AFDN: variants seen among roughly 807,000 people sequenced by gnomAD.
AFDN encodes afadin, adherens junction formation factor.
AFDN carries 68 observed loss-of-function variants against 216.6 expected under a neutral mutation model. The ratio of observed to expected loss-of-function variants is 0.31; its 90% CI spans 0.26 to 0.38. The LOEUF (loss-of-function observed/expected upper bound fraction) is 0.38, where lower values mean the gene tolerates loss of function less well. AFDN is among the 10% of genes least tolerant of loss of function. AFDN has a pLI of 1.00. For synonymous variants in AFDN, 868 were observed against 853.7 expected (o/e 1.02, Z -0.29); for missense variants, 2,136 against 2,342.0 (o/e 0.91, Z 1.82).
intron 30 of AFDN, among the ~76,000 whole-genome samples, chr6:167,958,070 C>T (rs541539192): frequency 2.0e-5 from 3 of 152,066 alleles, no homozygotes; most frequent in South Asian, 2.1e-4. Flanking sequence ...CTTTGAGCAC[C>T]GACATTATGC....
At chr6:167,963,258 C>T in intron 31 of AFDN, 2 of 1,063,464 alleles carry the variant, frequency 1.9e-6, no homozygotes, top group Non-Finnish European at 2.3e-6. Flanking sequence ...CCGACGCCCT[C>T]TGGATGAAGA....
At chr6:167,860,636 C>A (rs1464294990) in intron 1 of AFDN, among the ~76,000 whole-genome samples, 1 of 152,180 alleles carries the variant, frequency 6.6e-6, no homozygotes, top group Non-Finnish European at 1.5e-5. Flanking sequence ...AAATAACTCA[C>A]TCAAGGATGT....
rs188716641 is a variant in AFDN, at chr6:167,864,418, C to T, written c.106-133C>T. ...ACTTGAAGACTAAAAACCCATCTCT[C>T]TACATTAGTCTCAGATGTTTATGAT... On this transcript the variant is annotated intron_variant, in intron 1 of 33. Transcript: ENST00000683244. The T allele has an allele frequency of 9.6e-5, 84 of 871,974 alleles. No homozygotes were observed. The African/African-American group carries it at 1.2e-3, about 12-fold the overall frequency. The allele number at this position is 871,974 out of a possible 1,614,324, so 54.0% of individuals were successfully genotyped here.
At chr6:167,964,231 G>T in intron 31 of AFDN, 3 of 1,064,046 alleles carry the variant, frequency 2.8e-6, no homozygotes, top group Non-Finnish European at 3.4e-6. Flanking sequence ...AAACTCATGG[G>T]TTTGCTTTGT....
chr6:167,912,761 A>G (rs1410657598), intron 15 of AFDN, among the ~76,000 whole-genome samples: 1 of 152,184 alleles, frequency 6.6e-6, no homozygotes, highest in Non-Finnish European at 1.5e-5. Flanking sequence ...TGAAATCACC[A>G]TTATCAAACA....
chr6:167,926,363 A>G (rs907307719), intron 23 of AFDN, among the ~76,000 whole-genome samples: 1 of 152,244 alleles, frequency 6.6e-6, no homozygotes, highest in African/African-American at 2.4e-5. Context: ...ATGGTGAGCT[A>G]CTAAGTGGTC....
chr6:167,839,248 G>A (rs888956081), intron 1 of AFDN, among the ~76,000 whole-genome samples: 2 of 152,070 alleles, frequency 1.3e-5, no homozygotes, highest in Non-Finnish European at 2.9e-5. Context: ...TAAATGTAAT[G>A]GAAATTATTG....
chr6:167,827,667 A>C (rs1206386956), intron 1 of AFDN: 1 of 150,518 alleles, frequency 6.6e-6, no homozygotes, highest in Non-Finnish European at 1.5e-5. Flanking sequence ...CGTGGCCGGG[A>C]TGGAGCCTGT....
At chr6:167,961,200 T>C (rs1371727589) in intron 30 of AFDN, among the ~76,000 whole-genome samples, 3 of 152,222 alleles carry the variant, frequency 2.0e-5, no homozygotes, top group African/African-American at 4.8e-5. Context: ...ATGTAAGGGA[T>C]TCCTGCAGTG....
At chr6:167,835,078 T>C (rs977728534) in intron 1 of AFDN, among the ~76,000 whole-genome samples, 1 of 152,232 alleles carries the variant, frequency 6.6e-6, no homozygotes, top group Non-Finnish European at 1.5e-5. Context: ...TAGGAAAATA[T>C]TGATTCACTG....
Position 167,894,865 on chromosome 6 carries a change from ATG to A in AFDN, c.1222+962_1222+963del, listed in dbSNP as rs1014340254. On this transcript the variant is annotated intron_variant, in intron 9 of 33. Transcript: ENST00000683244. ...GCATTCAGAATTCGGAAGAATATGA[ATG>A]TGAATTTTTCTTTCATCTCTAAACA... Among the ~76,000 whole-genome samples the A allele has an allele frequency of 3.6e-4, 55 of 152,288 alleles. 2 individuals carry two copies. Among genetic ancestry groups the A allele is most frequent in the African/African-American group, 1.3e-3 (54 of 41,570 alleles).
chr6:167,900,750 T>C (rs1008346888), intron 11 of AFDN, among the ~76,000 whole-genome samples: 4 of 152,172 alleles, frequency 2.6e-5, no homozygotes, highest in African/African-American at 9.7e-5. Context: ...CTTTGGTAGG[T>C]GGCAGAGAAG....
chr6:167,947,956 T>A lies in AFDN; in HGVS notation c.3645+12T>A, dbSNP rs764444986. ...ACCTCTGCACTGAGGTCTGATTGAT[T>A]GATAAGCAAAAGGCTTCTACTGCAT... On this transcript the variant is annotated intron_variant, in intron 28 of 33. Transcript: ENST00000683244. 5 of 1,594,348 alleles carry A rather than the reference T, an allele frequency of 3.1e-6. No individual in the cohort carries two copies. Among genetic ancestry groups the A allele is most frequent in the Non-Finnish European group, 4.3e-6 (5 of 1,162,568 alleles).
rs767822382 is a variant in AFDN, at chr6:167,898,314, G to A, written c.1427G>A (p.Arg476His). 1.3e-5 allele frequency: 21 copies of A among 1,614,110 alleles called. No individual in the cohort carries two copies. Among genetic ancestry groups the A allele is most frequent in the African/African-American group, 2.7e-5 (2 of 75,024 alleles). Residue 476 changes from arginine to histidine, a missense_variant, in exon 11 of 34, where the codon CGC (arginine) becomes CAC (histidine). Physicochemically the swap from Arg to His is conservative, Grantham distance 29. Around this residue, in one of 8 missense-constraint regions of AFDN, gnomAD observed 817 missense variants for 965.7 expected, o/e 0.85. Coordinates refer to ENST00000683244, the MANE Select transcript of AFDN (RefSeq NM_001386888.1). The part of the protein sequence containing the change: ...MDAETYVEGQ[R>H]ISETTMLQSG... ...GCAGAAACCTACGTGGAAGGCCAGC[G>A]CATCTCAGAAACCACCATGCTGCAG...
intron 6 of AFDN, among the ~76,000 whole-genome samples, chr6:167,887,328 A>AGTTT (rs1786972113): frequency 6.6e-6 from 1 of 151,152 alleles, no homozygotes; most frequent in African/African-American, 2.4e-5. Context: ...TGTTTCTTCT[A>AGTTT]GTTTTGGTTT....
chr6:167,826,845 G>GCGGCGGCGCGCA (rs902765738), upstream of AFDN: 5 of 145,534 alleles, frequency 3.4e-5, no homozygotes, highest in South Asian at 4.2e-4. Flanking sequence ...CGCACGGCGG[G>GCGGCGGCGCGCA]CGGCGGCGCG....
intron 12 of AFDN, among the ~76,000 whole-genome samples, chr6:167,905,528 C>T (rs1339874899): frequency 6.6e-6 from 1 of 152,152 alleles, no homozygotes; most frequent in Non-Finnish European, 1.5e-5. Context: ...GGGTCCTTTT[C>T]TGGACTCTGG....
intron 23 of AFDN, among the ~76,000 whole-genome samples, chr6:167,938,879 G>A (rs1226110633): frequency 6.6e-6 from 1 of 152,182 alleles, no homozygotes; most frequent in Non-Finnish European, 1.5e-5. Flanking sequence ...TGAAAATTGG[G>A]AGTGGCAGAA....
At position 167,969,021 on chromosome 6, in the gene AFDN, A is replaced by G. The variant is rs1797821676; in HGVS notation, c.5258-93A>G. The G allele has an allele frequency of 1.5e-5, 15 of 981,786 alleles. No individual in the cohort carries two copies. The South Asian group carries it at 2.0e-4, about 13-fold the overall frequency. The allele number at this position is 981,786 out of a possible 1,614,324, so 60.8% of individuals were successfully genotyped here. On this transcript the variant is annotated intron_variant, in intron 32 of 33. Transcript: ENST00000683244. ...ACCTTCCTACTTACTCAGTAAAGGT[A>G]TTTTTGTATTCTCTGAGCACTGCAT... is the stretch of plus-strand genomic sequence containing the variant.
Sources: allele counts gnomAD v4.1 joint callset (sites outside exome capture counted in the v4.1 genomes callset), GRCh38; gene constraint gnomAD v4.1.1; regional missense constraint gnomAD v4.1.1; transcripts MANE v1.5; gene names NCBI Gene and HGNC (gene_info 2026-07-23, HGNC 2026-07-21).